The following SNAP25 variants were observed in gnomAD, a reference collection of about 807,000 sequenced individuals.
SNAP25 encodes synaptosome associated protein 25, also known as synaptosomal-associated protein 25.
SNAP25 carries 3 observed loss-of-function variants against 28.7 expected under a neutral mutation model. That is an observed-to-expected ratio of 0.10 (90% CI 0.05 to 0.27). SNAP25 has a LOEUF of 0.27. Among genes scored for constraint, SNAP25 ranks in the 10% least tolerant of loss-of-function variants. The pLI is 1.00. For synonymous variants in SNAP25, 61 were observed against 88.1 expected, an observed-to-expected ratio of 0.69 and a Z score of 1.72; for missense variants, 117 against 278.7, an observed-to-expected ratio of 0.42 and a Z score of 4.13.
At chr20:10,267,488 A>G (rs2122943290) in intron 1 of SNAP25, among the ~76,000 whole-genome samples, 1 of 152,278 alleles carries the variant, frequency 6.6e-6, no homozygotes, top group Admixed American at 6.5e-5. Flanking sequence ...CTGTCAAATC[A>G]CTCTGTGTTG....
intron 1 of SNAP25, among the ~76,000 whole-genome samples, chr20:10,241,058 G>A (rs2063021484): frequency 6.6e-6 from 1 of 152,154 alleles, no homozygotes; most frequent in Admixed American, 6.5e-5. Flanking sequence ...CAAGAGTCTA[G>A]GGCTGCGTGC....
At chr20:10,227,104 C>T (rs1307714590) in intron 1 of SNAP25, among the ~76,000 whole-genome samples, 2 of 152,098 alleles carry the variant, frequency 1.3e-5, no homozygotes. Context: ...AAACAAAGTT[C>T]AGTGATTCGG....
chr20:10,306,285 C>T lies in SNAP25; in HGVS notation c.*88C>T. On this transcript the variant is annotated 3_prime_UTR_variant, in exon 8 of 8. Transcript: ENST00000254976. ...CATGGTATTATCTAGTAGGTCTGCA[C>T]ACATAACACACATCAGTCCACCCCC... 1 of 1,128,426 alleles carries T rather than the reference C, an allele frequency of 8.9e-7. No homozygotes were observed. Among genetic ancestry groups the T allele is most frequent in the South Asian group, 1.3e-5 (1 of 76,734 alleles). The allele number at this position is 1,128,426 out of a possible 1,614,324, so 69.9% of individuals were successfully genotyped here. A position where few individuals can be genotyped will look rare whatever the true frequency, so the allele number is the denominator to read the frequency against.
chr20:10,236,533 A>C (rs1281688019), intron 1 of SNAP25, among the ~76,000 whole-genome samples: 2 of 152,132 alleles, frequency 1.3e-5, no homozygotes, highest in Admixed American at 1.3e-4. Context: ...CCCTCTGTTT[A>C]AGCAAATTCT....
intron 1 of SNAP25, among the ~76,000 whole-genome samples, chr20:10,221,605 A>C (rs1286575779): frequency 2.6e-5 from 4 of 152,220 alleles, no homozygotes; most frequent in Non-Finnish European, 5.9e-5. Flanking sequence ...ATTACAGAAC[A>C]ATTTACAATC....
chr20:10,231,783 G>A (rs932510724), intron 1 of SNAP25, among the ~76,000 whole-genome samples: 1 of 152,164 alleles, frequency 6.6e-6, no homozygotes, highest in Non-Finnish European at 1.5e-5. Context: ...GAGCATTTCA[G>A]ATTTCAGATT....
At chr20:10,277,955 G>A (rs1264448214) in intron 3 of SNAP25, 4 of 413,900 alleles carry the variant, frequency 9.7e-6, no homozygotes, top group South Asian at 5.3e-5. Context: ...TCTGGTCTGG[G>A]AAGCAGAGAA....
intron 1 of SNAP25, among the ~76,000 whole-genome samples, chr20:10,267,163 G>A (rs968771979): frequency 6.6e-6 from 1 of 152,032 alleles, no homozygotes; most frequent in African/African-American, 2.4e-5. Flanking sequence ...GGAAATTAAA[G>A]CTGAAATTTA....
chr20:10,305,620 A>T (rs1394697729), intron 7 of SNAP25, among the ~76,000 whole-genome samples: 1 of 152,180 alleles, frequency 6.6e-6, no homozygotes, highest in African/African-American at 2.4e-5. Flanking sequence ...TCCACTGTAC[A>T]TGCTCATGCT....
chr20:10,219,226 T>G (rs2062575166), intron 1 of SNAP25: 1 of 152,010 alleles, frequency 6.6e-6, no homozygotes, highest in Non-Finnish European at 1.5e-5. Flanking sequence ...ACGTACCGAA[T>G]AATAACTTAC....
chr20:10,289,568 T>C (rs2123099858), intron 4 of SNAP25, among the ~76,000 whole-genome samples: 1 of 151,740 alleles, frequency 6.6e-6, no homozygotes, highest in East Asian at 1.9e-4. Flanking sequence ...CCAATATCTG[T>C]TATGAATGAC....
At chr20:10,299,112 T>C (rs938667355) in intron 6 of SNAP25, among the ~76,000 whole-genome samples, 156 bp from the exon 7 acceptor site, 22 of 152,096 alleles carry the variant, frequency 1.4e-4, no homozygotes, top group African/African-American at 5.3e-4. Flanking sequence ...TTTTTTTAAA[T>C]GTATGAAAGC....
At chr20:10,289,637 A>G (rs2063956899) in intron 4 of SNAP25, among the ~76,000 whole-genome samples, 2 of 150,682 alleles carry the variant, frequency 1.3e-5, no homozygotes, top group African/African-American at 4.9e-5. Flanking sequence ...ATAAATTTCT[A>G]TATGTTCATA....
At chr20:10,291,740 TG>T (rs2064002816) in intron 4 of SNAP25, among the ~76,000 whole-genome samples, 1 of 152,242 alleles carries the variant, frequency 6.6e-6, no homozygotes, top group Non-Finnish European at 1.5e-5. Context: ...ACTTATCAGT[TG>T]TATTCTAGGC....
chr20:10,243,001 T>C (rs1423356566), intron 1 of SNAP25, among the ~76,000 whole-genome samples: 1 of 152,198 alleles, frequency 6.6e-6, no homozygotes, highest in Non-Finnish European at 1.5e-5. Flanking sequence ...AAGAAACCAG[T>C]AGCTAAGAAG....
At chr20:10,237,332 C>T (rs1001142626) in intron 1 of SNAP25, among the ~76,000 whole-genome samples, 2 of 152,166 alleles carry the variant, frequency 1.3e-5, no homozygotes, top group Non-Finnish European at 2.9e-5. Flanking sequence ...AGAGTGTAAA[C>T]TTGCACCCAG....
At chr20:10,229,360 T>A (rs2062786419) in intron 1 of SNAP25, among the ~76,000 whole-genome samples, 4 of 152,212 alleles carry the variant, frequency 2.6e-5, no homozygotes, top group Admixed American at 2.6e-4. Context: ...AAACCCAGAC[T>A]CTTTCTTGGA....
rs967574573 is a variant in SNAP25 at position 10,306,266 on chromosome 20, A to G, written c.*69A>G. On this transcript the variant is annotated 3_prime_UTR_variant, in exon 8 of 8. Coordinates refer to ENST00000254976, the MANE Select transcript of SNAP25 (RefSeq NM_130811.4). ...AGCTCCTTCATGCTTTTCTCATGGT[A>G]TTATCTAGTAGGTCTGCACACATAA... The G allele has an allele frequency of 5.6e-6, 8 of 1,437,366 alleles. No homozygotes were observed. The Admixed American group carries it at 8.6e-5, about 15-fold the overall frequency. 89.0% of individuals were successfully genotyped at this position (1,437,366 alleles called of 1,614,324 possible). A position where few individuals can be genotyped will look rare whatever the true frequency, so the allele number is the denominator to read the frequency against.
chr20:10,238,739 G>C (rs546074211), intron 1 of SNAP25, among the ~76,000 whole-genome samples: 1 of 151,980 alleles, frequency 6.6e-6, no homozygotes, highest in African/African-American at 2.4e-5. Context: ...GTGAAACTCC[G>C]TCTCTACTAA....
Sources: allele counts gnomAD v4.1 joint callset (sites outside exome capture counted in the v4.1 genomes callset), GRCh38; gene constraint gnomAD v4.1.1; transcripts MANE v1.5; gene names NCBI Gene and HGNC (gene_info 2026-07-23, HGNC 2026-07-21).